ZNF385D: variants seen among roughly 807,000 people sequenced by gnomAD.
ZNF385D encodes the protein zinc finger protein 659.
In ZNF385D, 15 loss-of-function variants were observed where a neutral mutation model predicts 35.8. The ratio of observed to expected loss-of-function variants is 0.42; its 90% confidence interval spans 0.28 to 0.64. ZNF385D has a LOEUF of 0.64. ZNF385D is among the 30% of genes least tolerant of loss of function. The pLI, the probability that ZNF385D is intolerant of heterozygous loss-of-function variation, is 0.23. For missense variants in ZNF385D, 474 were observed against 494.6 expected (o/e 0.96, Z 0.39); for synonymous variants, 212 against 186.8 (o/e 1.13, Z -1.10).
At chr3:21,483,346 C>T (rs1704779547) in intron 4 of ZNF385D, among the ~76,000 whole-genome samples, 1 of 152,134 alleles carries the variant, frequency 6.6e-6, no homozygotes, top group Admixed American at 6.6e-5. Context: ...AGTGGTATCC[C>T]ACTGTATCTC....
intron 2 of ZNF385D, among the ~76,000 whole-genome samples, chr3:22,222,565 G>C (rs1698321476): frequency 6.6e-6 from 1 of 152,100 alleles, no homozygotes; most frequent in Admixed American, 6.6e-5. Context: ...ACTTGAACTA[G>C]GCTTGCATAA....
chr3:21,741,606 A>G (rs931802597), intron 1 of ZNF385D, among the ~76,000 whole-genome samples: 35 of 146,396 alleles, frequency 2.4e-4, no homozygotes, highest in African/African-American at 9.0e-4. Context: ...ATAATTCTAT[A>G]CAGGAAGGGC....
At chr3:22,111,633 G>A (rs570865712) in intron 3 of ZNF385D, among the ~76,000 whole-genome samples, 2 of 152,218 alleles carry the variant, frequency 1.3e-5, no homozygotes, top group South Asian at 4.1e-4. Flanking sequence ...CACTGACTTA[G>A]TGAATTGAAC....
chr3:22,049,546 G>A (rs145569811), intron 3 of ZNF385D, among the ~76,000 whole-genome samples: 2 of 151,868 alleles, frequency 1.3e-5, no homozygotes, highest in Non-Finnish European at 2.9e-5. Context: ...ACAACTTCTA[G>A]TACTATGTTT....
intron 2 of ZNF385D, among the ~76,000 whole-genome samples, chr3:21,627,246 GGT>G (rs55918045): frequency 0.11 from 15,246 of 139,286 alleles, 897 homozygotes; most frequent in East Asian, 0.15. Context: ...AGAGGTGTAG[GGT>G]GTGTGTGTGT....
chr3:21,637,848 A>G lies in ZNF385D; in HGVS notation c.165+27038T>C, dbSNP rs183275509. Among the ~76,000 whole-genome samples the G allele has an allele frequency of 2.7e-3, 412 of 152,244 alleles. 4 individuals carry two copies. The highest frequency in any genetic ancestry group is 0.01 in the Middle Eastern group (3 of 294). ...GCTTCTTTGTTAAAGGAGAAATTAA[A>G]TTTTAAGAAACTCCTGATTATTTCC... is the stretch of plus-strand genomic sequence containing the variant. On this transcript the variant is annotated intron_variant, in intron 2 of 7. Coordinates refer to ENST00000281523, the MANE Select transcript of ZNF385D (RefSeq NM_024697.3).
chr3:22,095,318 A>G (rs1044113044), intron 3 of ZNF385D, among the ~76,000 whole-genome samples: 1 of 151,904 alleles, frequency 6.6e-6, no homozygotes, highest in Admixed American at 6.6e-5. Context: ...TATCTTTTTT[A>G]AATTCTGCAC....
intron 3 of ZNF385D, among the ~76,000 whole-genome samples, chr3:21,819,786 TA>T (rs201629548): frequency 0.082 from 11,958 of 145,458 alleles, 547 homozygotes; most frequent in Non-Finnish European, 0.1. Flanking sequence ...CACATAAATA[TA>T]ATATACATAT....
chr3:22,130,122 T>G (rs1327881114), intron 3 of ZNF385D, among the ~76,000 whole-genome samples: 2 of 152,140 alleles, frequency 1.3e-5, no homozygotes, highest in African/African-American at 2.4e-5. Context: ...CTGGGAGCTA[T>G]GGCCTGGAAT....
intron 2 of ZNF385D, among the ~76,000 whole-genome samples, chr3:22,231,271 G>A (rs1246637582): frequency 6.6e-6 from 1 of 152,152 alleles, no homozygotes; most frequent in Non-Finnish European, 1.5e-5. Context: ...AAGGGCCACT[G>A]ACTCACTGGC....
At position 22,182,436 on chromosome 3, in the gene ZNF385D, T is replaced by C. The variant is rs377120974; in HGVS notation, c.107-13401A>G. ...GAAGAACTTGATCACCTGATGCACATCCATGACAGACATAACTAATCAATT... is the reference window on the plus strand; with the variant it reads ...GAAGAACTTGATCACCTGATGCACACCCATGACAGACATAACTAATCAATT... On this transcript the variant is annotated intron_variant, in intron 2 of 5. Transcript: ENST00000494108. Among the ~76,000 whole-genome samples, 7 of 152,226 alleles carry C rather than the reference T, an allele frequency of 4.6e-5. No individual in the cohort carries two copies. The South Asian group carries it at 1.5e-3, about 32-fold the overall frequency.
chr3:22,036,567 T>A (rs1698332204), intron 3 of ZNF385D, among the ~76,000 whole-genome samples: 3 of 152,008 alleles, frequency 2.0e-5, no homozygotes, highest in Non-Finnish European at 2.9e-5. Context: ...AATTTTTTTT[T>A]AGGAAAAAAA....
At chr3:22,232,503 T>A (rs970253663) in intron 2 of ZNF385D, among the ~76,000 whole-genome samples, 1 of 152,192 alleles carries the variant, frequency 6.6e-6, no homozygotes, top group African/African-American at 2.4e-5. Flanking sequence ...ACCCATCACC[T>A]ATATTAGGTA....
At chr3:21,712,083 C>G (rs1026039948) in intron 1 of ZNF385D, among the ~76,000 whole-genome samples, 1 of 132,770 alleles carries the variant, frequency 7.5e-6, no homozygotes, top group African/African-American at 3.0e-5. Context: ...CTTCTGCTAC[C>G]AGCTACCACC....
chr3:22,096,741 G>A (rs115863314), intron 3 of ZNF385D, among the ~76,000 whole-genome samples: 1 of 151,966 alleles, frequency 6.6e-6, no homozygotes, highest in African/African-American at 2.4e-5. Context: ...ATGTGTCATG[G>A]CACATGAAAC....
At chr3:21,645,158 C>T (rs2065714667) in intron 2 of ZNF385D, among the ~76,000 whole-genome samples, 1 of 152,194 alleles carries the variant, frequency 6.6e-6, no homozygotes, top group Non-Finnish European at 1.5e-5. Flanking sequence ...TATACTATAT[C>T]AGGTTATTTT....
intron 2 of ZNF385D, among the ~76,000 whole-genome samples, chr3:22,362,176 T>C (rs1696440755): frequency 6.6e-6 from 1 of 151,964 alleles, no homozygotes; most frequent in African/African-American, 2.4e-5. Context: ...CTGGCTTTTT[T>C]TGTAGTGGTT....
At chr3:22,157,195 C>A (rs1403783096) in intron 3 of ZNF385D, among the ~76,000 whole-genome samples, 1 of 152,036 alleles carries the variant, frequency 6.6e-6, no homozygotes, top group East Asian at 1.9e-4. Context: ...TGGCAAATTT[C>A]TTTACTTTCC....
chr3:22,005,383 T>C (rs1696138736), intron 3 of ZNF385D, among the ~76,000 whole-genome samples: 1 of 152,044 alleles, frequency 6.6e-6, no homozygotes, highest in Non-Finnish European at 1.5e-5. Flanking sequence ...TGTGGAGTTT[T>C]CTCAAAAAAC....
Sources: allele counts gnomAD v4.1 joint callset (sites outside exome capture counted in the v4.1 genomes callset), GRCh38; gene constraint gnomAD v4.1.1; transcripts MANE v1.5; gene names NCBI Gene and HGNC (gene_info 2026-07-23, HGNC 2026-07-21).